The following MPPE1 variants were observed in gnomAD, a reference collection of about 807,000 sequenced individuals.
The protein encoded by MPPE1 is metallophosphoesterase 1, also known as metallo phosphoesterase.
Under a neutral mutation model 43.8 loss-of-function variants are expected in MPPE1, and 28 were observed. The ratio of observed to expected loss-of-function variants is 0.64; its 90% CI spans 0.47 to 0.88. MPPE1 has a LOEUF of 0.88. Among genes scored for constraint, MPPE1 ranks in the 40% least tolerant of loss-of-function variants. MPPE1 has a pLI of 0.00. For synonymous variants in MPPE1, 159 were observed against 188.5 expected, an observed-to-expected ratio of 0.84 and a Z score of 1.28; for missense variants, 428 against 492.2, an observed-to-expected ratio of 0.87 and a Z score of 1.23.
chr18:11,886,507 A>T lies in MPPE1; in HGVS notation c.859T>A (p.Ser287Thr). The change falls in exon 9 of 11, where the codon TCA becomes ACA. Residue 287 changes from serine to threonine, a missense_variant. Physicochemically the swap from Ser to Thr is moderately conservative, Grantham distance 58. Coordinates refer to ENST00000588072, the MANE Select transcript of MPPE1 (RefSeq NM_023075.6). The surrounding 1 kb of genome is among the most constrained non-coding windows in gnomAD (Gnocchi z 4.1). Reference protein sequence around the residue: ...ENYDVLSREASQKLLWWLQPR... With the variant: ...ENYDVLSREATQKLLWWLQPR... ...ACGACACCCTGGCAAACCTTTTGTG[A>T]TGCCTCCCGTGAAAGCACGTCATAG... 1 of 1,614,160 alleles carries T rather than the reference A, an allele frequency of 6.2e-7. No individual in the cohort carries two copies. The highest frequency in any genetic ancestry group is 1.1e-5 in the South Asian group (1 of 91,086).
At chr18:11,884,665 G>A (rs1426527255) in intron 10 of MPPE1, 38 bp from the exon 11 acceptor site, 1 of 1,596,640 alleles carries the variant, frequency 6.3e-7, no homozygotes, top group South Asian at 1.1e-5. Flanking sequence ...GAGAGCACCA[G>A]GCACACGTTG....
In MPPE1 at chr18:11,884,418, T is replaced by G. The variant is rs138048362; in HGVS notation, c.*27A>C. On this transcript the variant is annotated 3_prime_UTR_variant, in exon 11 of 11. Transcript: ENST00000588072. ...CTGCCCAAAGTTCCATTTCTTGGGC[T>G]TTGATATTTATAATGGCGCCTGCTC... The G allele has an allele frequency of 8.7e-6, 14 of 1,607,042 alleles. No individual in the cohort carries two copies. The African/African-American group carries it at 1.7e-4, about 20-fold the overall frequency.
chr18:11,893,148 A>G lies in MPPE1; in HGVS notation c.390+320T>C, dbSNP rs1427576759. On this transcript the variant is annotated intron_variant, in intron 4 of 10. Transcript: ENST00000588072. Reference sequence around the variant, plus strand: ...TTCGGTGACAACTGAAATAACATCTATCTTGCCCGTTTCTCCCTTTCCCAA... The same window carrying G: ...TTCGGTGACAACTGAAATAACATCTGTCTTGCCCGTTTCTCCCTTTCCCAA... 1.8e-5 allele frequency: 5 copies of G among 271,090 alleles called. No homozygotes were observed. The East Asian group carries it at 2.3e-4, about 12-fold the overall frequency. 16.8% of individuals were successfully genotyped at this position (271,090 alleles called of 1,614,324 possible).
chr18:11,893,626 G>T, intron 3 of MPPE1, 50 bp from the exon 4 acceptor site: 1 of 1,444,090 alleles, frequency 6.9e-7, no homozygotes, highest in Non-Finnish European at 9.7e-7. Context: ...CCTAGGTGGA[G>T]GCTACTTCTG....
chr18:11,898,833 A>T (rs1309615409), intron 2 of MPPE1, among the ~76,000 whole-genome samples: 3 of 151,214 alleles, frequency 2.0e-5, no homozygotes, highest in Non-Finnish European at 4.4e-5. Flanking sequence ...GTCCATAAAA[A>T]CCCTAACTTC....
At chr18:11,900,858 G>A (rs1386300478) in intron 2 of MPPE1, among the ~76,000 whole-genome samples, 1 of 149,116 alleles carries the variant, frequency 6.7e-6, no homozygotes, top group Admixed American at 6.7e-5. Context: ...AGTGAGCCGA[G>A]ATTGCGCCAC....
Position 11,886,360 on chromosome 18 carries a change from C to A in MPPE1, c.867+139G>T. 4 of 1,221,612 alleles carry A rather than the reference C, an allele frequency of 3.3e-6. No individual in the cohort carries two copies. The highest frequency in any genetic ancestry group is 4.7e-6 in the Non-Finnish European group (4 of 850,562). 75.7% of individuals were successfully genotyped at this position (1,221,612 alleles called of 1,614,324 possible). ...AGATACTGTGAAAGCCAGGCCTCCA[C>A]CCCTGTCCCCCCAGGTGATAACTAA... On this transcript the variant is annotated intron_variant, in intron 9 of 10. Coordinates refer to ENST00000588072, the MANE Select transcript of MPPE1 (RefSeq NM_023075.6). This position sits in a 1 kb window ranked among gnomAD's most constrained non-coding sequence, Gnocchi z 4.1.
Position 11,884,417 on chromosome 18 carries a change from C to A in MPPE1, c.*28G>T. 1 of 1,606,270 alleles carries A rather than the reference C, an allele frequency of 6.2e-7. No homozygotes were observed. Among genetic ancestry groups the A allele is most frequent in the Non-Finnish European group, 8.5e-7 (1 of 1,174,786 alleles). On this transcript the variant is annotated 3_prime_UTR_variant, in exon 11 of 11. Transcript: ENST00000588072. ...TCTGCCCAAAGTTCCATTTCTTGGG[C>A]TTTGATATTTATAATGGCGCCTGCT... is the stretch of plus-strand genomic sequence containing the variant.
rs2037227785 is a variant in MPPE1, at chr18:11,886,279, G to A, written c.867+220C>T. On this transcript the variant is annotated intron_variant, in intron 9 of 10. Coordinates refer to ENST00000588072, the MANE Select transcript of MPPE1 (RefSeq NM_023075.6). The surrounding 1 kb of genome is among the most constrained non-coding windows in gnomAD (Gnocchi z 4.1). Reference sequence around the variant, plus strand: ...AGCTGAGACTATTACTGACTTGAGGGTAGGAAACAGAAGTAGGTTTACTGG... The same window carrying A: ...AGCTGAGACTATTACTGACTTGAGGATAGGAAACAGAAGTAGGTTTACTGG... 5.1e-6 allele frequency: 3 copies of A among 583,876 alleles called. No individual in the cohort carries two copies. The highest frequency in any genetic ancestry group is 9.0e-6 in the Non-Finnish European group (3 of 334,904). The allele number at this position is 583,876 out of a possible 1,614,324, so 36.2% of individuals were successfully genotyped here.
chr18:11,900,754 A>AC (rs1358294951), intron 2 of MPPE1, among the ~76,000 whole-genome samples: 5 of 151,612 alleles, frequency 3.3e-5, no homozygotes, highest in Non-Finnish European at 5.9e-5. Flanking sequence ...AAAAATACAA[A>AC]AAATTAGCCA....
intron 4 of MPPE1, among the ~76,000 whole-genome samples, chr18:11,890,007 A>T (rs1598506579): frequency 6.6e-6 from 1 of 150,626 alleles, no homozygotes; most frequent in East Asian, 2.0e-4. Context: ...CAGTGGCACG[A>T]TCTCGGCTCA....
intron 2 of MPPE1, among the ~76,000 whole-genome samples, chr18:11,904,329 T>G (rs1046648891): frequency 3.9e-3 from 596 of 152,046 alleles, no homozygotes; most frequent in Middle Eastern, 6.8e-3. Flanking sequence ...ATTTATTTTT[T>G]TTTGAGACAA....
In MPPE1 at chr18:11,884,353, TG is replaced by T. The variant is rs2036860395; in HGVS notation, c.*91del. The T allele has an allele frequency of 3.3e-6, 4 of 1,220,980 alleles. No individual in the cohort carries two copies. In the East Asian group the frequency reaches 9.4e-5, roughly 29 times the overall value. 75.6% of individuals were successfully genotyped at this position (1,220,980 alleles called of 1,614,324 possible). On this transcript the variant is annotated 3_prime_UTR_variant, in exon 11 of 11. Transcript: ENST00000588072. ...TTCTGTGCTGTGCAGAGAGACGGCC[TG>T]TAATTGGTCTCATCATCCACTTGAT...
chr18:11,894,431 C>CAAAAAAA (rs66687820), intron 3 of MPPE1, among the ~76,000 whole-genome samples: 5 of 65,152 alleles, frequency 7.7e-5, no homozygotes, highest in East Asian at 4.4e-4. Flanking sequence ...GACTCCATCT[C>CAAAAAAA]AAAAAAAAAA....
intron 3 of MPPE1, chr18:11,895,425 T>C (rs906827727): frequency 3.9e-5 from 6 of 152,312 alleles, no homozygotes; most frequent in African/African-American, 9.6e-5. Flanking sequence ...ATGTAATTTC[T>C]GGTCAGAGGA....
rs185583469 is a variant in MPPE1 at position 11,898,793 on chromosome 18, C to T, written c.-92-1437G>A. Among the ~76,000 whole-genome samples the T allele has an allele frequency of 2.7e-3, 413 of 152,256 alleles. 1 individual carries two copies. Among genetic ancestry groups the T allele is most frequent in the African/African-American group, 9.3e-3 (385 of 41,530 alleles). On this transcript the variant is annotated intron_variant, in intron 2 of 10. Transcript: ENST00000588072. ...TTTCATTCCCAACCAATCAACAACTCCTATTCCCCAGCTCCCTGCCCACAA... is the reference window on the plus strand; with the variant it reads ...TTTCATTCCCAACCAATCAACAACTTCTATTCCCCAGCTCCCTGCCCACAA...
chr18:11,893,056 T>G (rs1468038332), intron 4 of MPPE1: 2 of 158,528 alleles, frequency 1.3e-5, no homozygotes, highest in African/African-American at 4.8e-5. Flanking sequence ...TGCAGCACGA[T>G]TCTCATAATG....
intron 2 of MPPE1, among the ~76,000 whole-genome samples, chr18:11,901,839 AAAAT>A (rs996240476): frequency 3.3e-5 from 5 of 152,246 alleles, no homozygotes; most frequent in South Asian, 2.1e-4. Context: ...ACTCCATCTC[AAAAT>A]AAATAAATAA....
At position 11,884,115 on chromosome 18, in the gene MPPE1, A is replaced by G. The variant is rs2036829616; in HGVS notation, c.*330T>C. On this transcript the variant is annotated 3_prime_UTR_variant, in exon 11 of 11. Transcript: ENST00000588072. ...ATAATCCCAAGTGTGTGCTGGGGCCACCAGGCCCTTCCTGGGGGAACAAGG... is the reference window on the plus strand; with the variant it reads ...ATAATCCCAAGTGTGTGCTGGGGCCGCCAGGCCCTTCCTGGGGGAACAAGG... 4.0e-6 allele frequency: 1 copy of G among 248,058 alleles called. No homozygotes were observed. The highest frequency in any genetic ancestry group is 7.9e-6 in the Non-Finnish European group (1 of 125,792). 15.4% of individuals were successfully genotyped at this position (248,058 alleles called of 1,614,324 possible).
Sources: gnomAD v4.1 joint callset for allele counts (sites outside exome capture counted in the v4.1 genomes callset) on GRCh38, gnomAD v4.1.1 for gene constraint, Gnocchi (gnomAD v3.1) non-coding constraint, MANE v1.5 for transcripts, NCBI Gene and HGNC (gene_info 2026-07-23, HGNC 2026-07-21) for gene names.